The following AGBL4 variants were observed in gnomAD, a reference collection of about 807,000 sequenced individuals.
The protein encoded by AGBL4 is AGBL carboxypeptidase 4.
AGBL4 carries 58 observed loss-of-function variants against 66.4 expected under a neutral mutation model. The observed-to-expected ratio is 0.87, with a 90% CI of 0.71 to 1.09. AGBL4 has a LOEUF of 1.09. Among genes scored for constraint, AGBL4 ranks in the 50% least tolerant of loss-of-function variants. AGBL4 has a pLI of 0.00. For synonymous variants in AGBL4, 234 were observed against 222.9 expected (o/e 1.05, Z -0.44); for missense variants, 579 against 631.0 (o/e 0.92, Z 0.88).
Position 49,693,414 on chromosome 1 carries a change from A to T in AGBL4, c.282+3899T>A, listed in dbSNP as rs537944084. On this transcript the variant is annotated intron_variant, in intron 3 of 13. Coordinates refer to ENST00000371839, the MANE Select transcript of AGBL4 (RefSeq NM_032785.4). The stretch of plus-strand genomic sequence containing the variant: ...AAAGAGCTATTAATATTTTATAGCC[A>T]TATTTATCAAACTTTTGATAACAGA... Among the ~76,000 whole-genome samples, 10 of 152,292 alleles carry T rather than the reference A, an allele frequency of 6.6e-5. No homozygotes were observed. The South Asian group carries it at 1.7e-3, about 25-fold the overall frequency.
intron 5 of AGBL4, among the ~76,000 whole-genome samples, chr1:48,886,270 T>C (rs181103821): frequency 6.6e-6 from 1 of 152,264 alleles, no homozygotes; most frequent in Admixed American, 6.5e-5. Flanking sequence ...AGGTTGTGCA[T>C]GTAGAAAGCT....
At chr1:49,974,245 A>G (rs1179603987) in intron 1 of AGBL4, among the ~76,000 whole-genome samples, 1 of 152,130 alleles carries the variant, frequency 6.6e-6, no homozygotes, top group Non-Finnish European at 1.5e-5. Context: ...TGATCGTGAG[A>G]AAAAATGAGA....
At chr1:49,053,671 T>C (rs1055074797) in intron 4 of AGBL4, among the ~76,000 whole-genome samples, 3 of 152,208 alleles carry the variant, frequency 2.0e-5, no homozygotes, top group African/African-American at 7.2e-5. Flanking sequence ...AAATTATGCA[T>C]TTATTTTCTT....
chr1:48,530,335 G>A (rs1643898723), downstream of AGBL4, among the ~76,000 whole-genome samples: 1 of 152,196 alleles, frequency 6.6e-6, no homozygotes. Flanking sequence ...CTGACACACA[G>A]TATATGTTCA....
At chr1:49,695,376 A>AAAATTT (rs1329729775) in intron 3 of AGBL4, among the ~76,000 whole-genome samples, 2 of 152,134 alleles carry the variant, frequency 1.3e-5, no homozygotes, top group African/African-American at 4.8e-5. Context: ...TTGAAGTGAA[A>AAAATTT]GACTCAGTCT....
chr1:48,920,299 C>A (rs1653973425), intron 5 of AGBL4, among the ~76,000 whole-genome samples: 1 of 152,186 alleles, frequency 6.6e-6, no homozygotes, highest in Non-Finnish European at 1.5e-5. Flanking sequence ...CACCAGTGAT[C>A]CATAAATTCC....
intron 3 of AGBL4, among the ~76,000 whole-genome samples, chr1:49,595,966 C>A (rs1211897739): frequency 6.6e-6 from 1 of 152,084 alleles, no homozygotes; most frequent in African/African-American, 2.4e-5. Flanking sequence ...CTCCCAAGAT[C>A]TCTCACCTCT....
At chr1:49,705,332 G>T (rs952864101) in intron 2 of AGBL4, among the ~76,000 whole-genome samples, 6 of 152,070 alleles carry the variant, frequency 3.9e-5, no homozygotes, top group Non-Finnish European at 7.4e-5. Flanking sequence ...GCTGAGATGA[G>T]GGGATTTTCT....
At chr1:49,743,129 GAGA>G (rs1650674748) in intron 2 of AGBL4, among the ~76,000 whole-genome samples, 1 of 152,062 alleles carries the variant, frequency 6.6e-6, no homozygotes, top group Non-Finnish European at 1.5e-5. Context: ...TACAGAATGG[GAGA>G]AGATTTTTGC....
chr1:49,318,371 G>A (rs1282555415), intron 3 of AGBL4, among the ~76,000 whole-genome samples: 2 of 150,516 alleles, frequency 1.3e-5, no homozygotes, highest in Admixed American at 6.6e-5. Flanking sequence ...ACAACATACG[G>A]GAATATTTAA....
At chr1:49,526,520 T>C (rs928922842) in intron 3 of AGBL4, among the ~76,000 whole-genome samples, 3 of 152,162 alleles carry the variant, frequency 2.0e-5, no homozygotes, top group Non-Finnish European at 4.4e-5. Flanking sequence ...TTATGCTTAC[T>C]GACTAAGGAA....
chr1:49,107,920 T>C (rs1226488973), intron 4 of AGBL4, among the ~76,000 whole-genome samples: 2 of 152,188 alleles, frequency 1.3e-5, no homozygotes, highest in African/African-American at 4.8e-5. Flanking sequence ...GGAAGGGATA[T>C]AGAGCTCCCA....
rs2148404989 is a variant in AGBL4 at position 49,992,407 on chromosome 1, C to T, written c.34+31356G>A. 1.3e-5 allele frequency among the ~76,000 whole-genome samples: 2 copies of T among 151,838 alleles called. 1 individual carries two copies. Among genetic ancestry groups the T allele is most frequent in the Middle Eastern group, 6.8e-3 (2 of 294 alleles). ...AAAAAAAATCCTTACTTTGAAATGT[C>T]CCCTATGTCACTACCTTGTTCTGGG... On this transcript the variant is annotated intron_variant, in intron 1 of 13. Transcript: ENST00000371839.
intron 1 of AGBL4, among the ~76,000 whole-genome samples, chr1:49,865,431 G>A (rs1218400091): frequency 1.3e-5 from 2 of 152,150 alleles, no homozygotes; most frequent in East Asian, 3.9e-4. Flanking sequence ...AGCCTCCACG[G>A]TGACATATCC....
chr1:49,807,111 CAG>C (rs1258007828), intron 2 of AGBL4, among the ~76,000 whole-genome samples: 2 of 152,092 alleles, frequency 1.3e-5, no homozygotes, highest in Non-Finnish European at 2.9e-5. Flanking sequence ...GGGGCAATTG[CAG>C]AGAGTCTCCA....
chr1:49,142,118 G>T (rs1012560638), intron 4 of AGBL4, among the ~76,000 whole-genome samples: 3 of 152,104 alleles, frequency 2.0e-5, no homozygotes, highest in African/African-American at 7.2e-5. Context: ...GATCTAGGTT[G>T]CACGCTTCTT....
intron 2 of AGBL4, among the ~76,000 whole-genome samples, chr1:49,708,719 A>ACCT (rs1340453311): frequency 2.0e-5 from 3 of 151,886 alleles, no homozygotes; most frequent in African/African-American, 7.3e-5. Context: ...CATGTTGGTG[A>ACCT]CCTTTGGATG....
chr1:49,381,455 A>G (rs1644607420), intron 3 of AGBL4, among the ~76,000 whole-genome samples: 1 of 152,184 alleles, frequency 6.6e-6, no homozygotes, highest in Admixed American at 6.5e-5. Flanking sequence ...TCAGGGATCT[A>G]GAACTAGAAA....
chr1:48,836,596 G>T (rs1000828826), intron 6 of AGBL4, among the ~76,000 whole-genome samples: 3 of 151,932 alleles, frequency 2.0e-5, no homozygotes, highest in African/African-American at 7.3e-5. Context: ...TTTCCCTAGG[G>T]ATCAAAAAAA....
Sources: allele counts gnomAD v4.1 joint callset (sites outside exome capture counted in the v4.1 genomes callset), GRCh38; gene constraint gnomAD v4.1.1; transcripts MANE v1.5; gene names NCBI Gene and HGNC (gene_info 2026-07-23, HGNC 2026-07-21).